The following MTSS1 variants were observed in gnomAD, a reference collection of about 807,000 sequenced individuals.
The protein encoded by MTSS1 is protein MTSS 1.
Under a neutral mutation model 79.0 loss-of-function variants are expected in MTSS1, and 18 were observed. That is an observed-to-expected ratio of 0.23 (90% CI 0.16 to 0.34). The LOEUF (loss-of-function observed/expected upper bound fraction) is 0.34. Ranked by LOEUF, MTSS1 falls within the 10% of genes least tolerant of loss-of-function variation. The probability of loss-of-function intolerance (pLI) is 1.00; values close to 1 mark genes in which losing one functional copy is unlikely to be tolerated. For synonymous variants in MTSS1, 341 were observed against 368.6 expected, an observed-to-expected ratio of 0.93 and a Z score of 0.86; for missense variants, 815 against 986.2, an observed-to-expected ratio of 0.83 and a Z score of 2.33.
At chr8:124,608,219 T>G (rs1006713203) in intron 3 of MTSS1, among the ~76,000 whole-genome samples, 2 of 152,020 alleles carry the variant, frequency 1.3e-5, no homozygotes. Context: ...TCTCCTGCAC[T>G]GTTTTCTTCC....
At position 124,650,565 on chromosome 8, in the gene MTSS1, C is replaced by T. The variant is rs143455102; in HGVS notation, c.208+48961G>A. 2.3e-3 allele frequency among the ~76,000 whole-genome samples: 347 copies of T among 152,294 alleles called. 7 individuals are homozygous for T. The highest frequency in any genetic ancestry group is 0.011 in the South Asian group (51 of 4,826). On this transcript the variant is annotated intron_variant, in intron 3 of 13. Transcript: ENST00000518547. ...ATCCTTCCATTTTTACCCCATCTCC[C>T]CTGACATTTGCAAATGGAAGCTATG...
intron 3 of MTSS1, among the ~76,000 whole-genome samples, chr8:124,660,170 C>A (rs1344830009): frequency 1.3e-5 from 2 of 152,050 alleles, no homozygotes; most frequent in Non-Finnish European, 2.9e-5. Flanking sequence ...CAGAAATGAA[C>A]CTTCAAAAGC....
In MTSS1 at chr8:124,611,650, G is replaced by A. The variant is rs117971238; in HGVS notation, c.209-20415C>T. On this transcript the variant is annotated intron_variant, in intron 3 of 13. Transcript: ENST00000518547. ...CATCTTTCAGTAATCACTCCGGGCT[G>A]ACACAGTGAGACCTGGGACCACCAT... Among the ~76,000 whole-genome samples the A allele has an allele frequency of 3.3e-5, 5 of 152,306 alleles. No homozygotes were observed. The East Asian group carries it at 5.8e-4, about 18-fold the overall frequency.
At chr8:124,675,392 C>A (rs1202275802) in intron 3 of MTSS1, among the ~76,000 whole-genome samples, 2 of 152,162 alleles carry the variant, frequency 1.3e-5, no homozygotes, top group Non-Finnish European at 2.9e-5. Context: ...CCCTCTGACA[C>A]AGGGTTGGGG....
intron 6 of MTSS1, among the ~76,000 whole-genome samples, chr8:124,576,494 G>A (rs1586933466): frequency 6.6e-6 from 1 of 152,182 alleles, no homozygotes; most frequent in South Asian, 2.1e-4. Flanking sequence ...TTCGTGCTGG[G>A]GAGAGCTTGA....
chr8:124,566,987 T>A, intron 8 of MTSS1, 84 bp downstream of exon 8: 1 of 1,035,996 alleles, frequency 9.7e-7, no homozygotes, highest in Admixed American at 2.1e-5. Context: ...ATTTAAGACG[T>A]GACACATGCC....
At position 124,557,659 on chromosome 8, in the gene MTSS1, G is replaced by A. The variant is rs913410459; in HGVS notation, c.1230+22C>T. The A allele has an allele frequency of 3.9e-6, 6 of 1,546,620 alleles. No homozygotes were observed. The African/African-American group carries it at 8.2e-5, about 21-fold the overall frequency. ...AGCACAGAGGCAATGACGGGGAGAGGAGGAGGGGGAGAGACACAAACCTTC... is the reference window on the plus strand; with the variant it reads ...AGCACAGAGGCAATGACGGGGAGAGAAGGAGGGGGAGAGACACAAACCTTC... On this transcript the variant is annotated intron_variant, in intron 11 of 13. Coordinates refer to ENST00000518547, the MANE Select transcript of MTSS1 (RefSeq NM_014751.6).
chr8:124,645,840 C>T (rs1450371358), intron 3 of MTSS1, among the ~76,000 whole-genome samples: 2 of 152,168 alleles, frequency 1.3e-5, no homozygotes, highest in Non-Finnish European at 2.9e-5. Flanking sequence ...GCCCAGCTTC[C>T]TCGGCTTAAG....
chr8:124,706,472 G>A (rs79906053), intron 1 of MTSS1, among the ~76,000 whole-genome samples: 5,839 of 152,316 alleles, frequency 0.038, 306 homozygotes, highest in African/African-American at 0.12. Flanking sequence ...TCTGTTTCAC[G>A]CATGCTGCTA....
At chr8:124,556,069 A>G (rs1255724173) in intron 12 of MTSS1, 163 bp downstream of exon 12, 1 of 1,542,976 alleles carries the variant, frequency 6.5e-7, no homozygotes, top group Admixed American at 2.0e-5. Flanking sequence ...ATTCCCACAC[A>G]AGGTTTTTTT....
chr8:124,606,293 C>T (rs193117390), intron 3 of MTSS1, among the ~76,000 whole-genome samples: 43 of 150,990 alleles, frequency 2.8e-4, no homozygotes, highest in Non-Finnish European at 3.5e-4. Flanking sequence ...GGATTACAGG[C>T]ACCCACAACT....
intron 1 of MTSS1, among the ~76,000 whole-genome samples, chr8:124,709,478 C>T (rs935240391): frequency 2.6e-5 from 4 of 152,194 alleles, no homozygotes; most frequent in Non-Finnish European, 5.9e-5. Flanking sequence ...ACAAAACTCC[C>T]GCCACGCCCC....
intron 3 of MTSS1, among the ~76,000 whole-genome samples, chr8:124,666,841 G>C (rs915378312): frequency 1.3e-5 from 2 of 152,086 alleles, no homozygotes; most frequent in African/African-American, 4.8e-5. Flanking sequence ...TTTTCAAAGA[G>C]GGAAGAGGGG....
At chr8:124,567,363 A>G (rs1409134936) in intron 7 of MTSS1, among the ~76,000 whole-genome samples, 185 bp from the exon 8 acceptor site, 1 of 152,268 alleles carries the variant, frequency 6.6e-6, no homozygotes, top group Admixed American at 6.5e-5. Flanking sequence ...AGATGGAAAA[A>G]GAAATCTGCC....
At chr8:124,682,499 G>C (rs10108761) in intron 3 of MTSS1, among the ~76,000 whole-genome samples, 2,602 of 152,320 alleles carry the variant, frequency 0.017, 74 homozygotes, top group African/African-American at 0.059. Context: ...CCCATTCCAG[G>C]AGAGTAAGCC....
intron 3 of MTSS1, among the ~76,000 whole-genome samples, chr8:124,658,289 A>G (rs1326334449): frequency 2.0e-5 from 3 of 152,166 alleles, no homozygotes; most frequent in Non-Finnish European, 2.9e-5. Flanking sequence ...ACGATAGTGA[A>G]TAAGACTCAT....
chr8:124,678,517 A>C lies in MTSS1; in HGVS notation c.208+21009T>G, dbSNP rs368532799. Among the ~76,000 whole-genome samples, 3 of 152,360 alleles carry C rather than the reference A, an allele frequency of 2.0e-5. No homozygotes were observed. In the East Asian group the frequency reaches 5.8e-4, roughly 29 times the overall value. On this transcript the variant is annotated intron_variant, in intron 3 of 13. Transcript: ENST00000518547. ...CAGAAGGCAAAGGAAGAGCAAAGGT[A>C]CGTCTTACATGGCGGCAGGCAAAAG...
rs1205481559 is a variant in MTSS1, at chr8:124,552,835, T to G, written c.*157A>C. ...AGATTATGTCAGTTACATAGGTTGG[T>G]TTTAATTCTTATCTAAAGGTGTCGA... On this transcript the variant is annotated 3_prime_UTR_variant, in exon 14 of 14. Coordinates refer to ENST00000518547, the MANE Select transcript of MTSS1 (RefSeq NM_014751.6). 1 of 664,508 alleles carries G rather than the reference T, an allele frequency of 1.5e-6. No individual in the cohort carries two copies. The highest frequency in any genetic ancestry group is 2.5e-6 in the Non-Finnish European group (1 of 400,374). The allele number at this position is 664,508 out of a possible 1,614,324, so 41.2% of individuals were successfully genotyped here. A position where few individuals can be genotyped will look rare whatever the true frequency, so the allele number is the denominator to read the frequency against.
intron 3 of MTSS1, among the ~76,000 whole-genome samples, chr8:124,625,493 T>C (rs1814482087): frequency 6.6e-6 from 1 of 152,210 alleles, no homozygotes; most frequent in Admixed American, 6.5e-5. Flanking sequence ...ATGCTGAAAC[T>C]TTAGACAGAC....
Sources: gnomAD v4.1 joint callset for allele counts (sites outside exome capture counted in the v4.1 genomes callset) on GRCh38, gnomAD v4.1.1 for gene constraint, MANE v1.5 for transcripts, NCBI Gene and HGNC (gene_info 2026-07-23, HGNC 2026-07-21) for gene names.